The following NALF1 variants were observed in gnomAD, a reference collection of about 807,000 sequenced individuals.
NALF1 encodes the protein family with sequence similarity 155 member A.
NALF1 carries 3 observed loss-of-function variants against 48.4 expected under a neutral mutation model. That is an observed-to-expected ratio of 0.06 (90% CI 0.03 to 0.16). The LOEUF (loss-of-function observed/expected upper bound fraction) is 0.16, where lower values mean the gene tolerates loss of function less well. Ranked by LOEUF, NALF1 falls within the 10% of genes least tolerant of loss-of-function variation. The pLI is 1.00. For missense variants in NALF1, 526 were observed against 571.5 expected (o/e 0.92, Z 0.81); for synonymous variants, 262 against 245.7 (o/e 1.07, Z -0.62).
chr13:107,285,320 A>T (rs1881471645), intron 1 of NALF1, among the ~76,000 whole-genome samples: 1 of 152,226 alleles, frequency 6.6e-6, no homozygotes, highest in African/African-American at 2.4e-5. Context: ...TTATTCCCAT[A>T]CAACTTCTGA....
chr13:107,555,586 C>T (rs868165087), intron 1 of NALF1, among the ~76,000 whole-genome samples: 1 of 151,630 alleles, frequency 6.6e-6, no homozygotes, highest in Admixed American at 6.6e-5. Flanking sequence ...TGAGCTACCA[C>T]GCCCAGCCAG....
chr13:107,569,367 G>A (rs1328485984), intron 1 of NALF1, among the ~76,000 whole-genome samples: 2 of 152,056 alleles, frequency 1.3e-5, no homozygotes, highest in African/African-American at 4.8e-5. Context: ...AGCTACTCGG[G>A]ACGCTGAGGC....
intron 1 of NALF1, among the ~76,000 whole-genome samples, chr13:107,431,453 C>T (rs1884380724): frequency 6.6e-6 from 1 of 152,160 alleles, no homozygotes. Flanking sequence ...AATTTGTTCT[C>T]CTTGCCTAAT....
At chr13:107,205,349 C>T (rs1042607121) in intron 2 of NALF1, among the ~76,000 whole-genome samples, 1 of 152,170 alleles carries the variant, frequency 6.6e-6, no homozygotes, top group East Asian at 1.9e-4. Context: ...ACAAGTAAAC[C>T]GTGAGATGCC....
chr13:107,371,353 A>G (rs1448542848), intron 1 of NALF1, among the ~76,000 whole-genome samples: 1 of 152,184 alleles, frequency 6.6e-6, no homozygotes. Context: ...AGACGGAGGT[A>G]GAAGGATCGC....
intron 1 of NALF1, among the ~76,000 whole-genome samples, chr13:107,475,140 G>A (rs897618459): frequency 2.6e-5 from 4 of 152,138 alleles, no homozygotes; most frequent in African/African-American, 9.7e-5. Flanking sequence ...ATGTGAAAGG[G>A]AAACAACACT....
chr13:107,518,199 A>C (rs1223277342), intron 1 of NALF1, among the ~76,000 whole-genome samples: 1 of 152,200 alleles, frequency 6.6e-6, no homozygotes, highest in Non-Finnish European at 1.5e-5. Flanking sequence ...CAAGTTAAGG[A>C]ATTCGGTACT....
At chr13:107,501,633 T>C (rs1250753148) in intron 1 of NALF1, among the ~76,000 whole-genome samples, 2 of 152,146 alleles carry the variant, frequency 1.3e-5, no homozygotes, top group Non-Finnish European at 2.9e-5. Flanking sequence ...GTGTCACTGA[T>C]GGGATCAGAA....
Position 107,164,927 on chromosome 13 carries a change from G to T in NALF1, c.*5570C>A, listed in dbSNP as rs556390517. 1 of 152,148 alleles carries T rather than the reference G, an allele frequency of 6.6e-6. No homozygotes were observed. The highest frequency in any genetic ancestry group is 2.4e-5 in the African/African-American group (1 of 41,512). 9.4% of individuals were successfully genotyped at this position (152,148 alleles called of 1,614,324 possible). A position where few individuals can be genotyped will look rare whatever the true frequency, so the allele number is the denominator to read the frequency against. Reference sequence around the variant, plus strand: ...ATAGTCATGATAACTAACTACTACTGAGCACCTGTTTTGTCCAGGCACATT... The same window carrying T: ...ATAGTCATGATAACTAACTACTACTTAGCACCTGTTTTGTCCAGGCACATT... On this transcript the variant is annotated 3_prime_UTR_variant, in exon 3 of 3. Transcript: ENST00000375915.
At chr13:107,787,524 C>A (rs1310609407) in intron 1 of NALF1, among the ~76,000 whole-genome samples, 1 of 152,176 alleles carries the variant, frequency 6.6e-6, no homozygotes, top group Non-Finnish European at 1.5e-5. Flanking sequence ...CCTGTTGTTA[C>A]GTGGGTCACG....
intron 1 of NALF1, among the ~76,000 whole-genome samples, chr13:107,332,914 C>T (rs1882495434): frequency 6.6e-6 from 1 of 152,118 alleles, no homozygotes; most frequent in African/African-American, 2.4e-5. Context: ...GGCATGATCT[C>T]GGCTCATTGC....
At chr13:107,482,177 A>T (rs750479782) in intron 1 of NALF1, among the ~76,000 whole-genome samples, 1 of 152,074 alleles carries the variant, frequency 6.6e-6, no homozygotes, top group East Asian at 1.9e-4. Context: ...GAAAAGACTT[A>T]TCTCTCCCGA....
At chr13:107,677,111 A>G (rs1468200494) in intron 1 of NALF1, among the ~76,000 whole-genome samples, 2 of 152,260 alleles carry the variant, frequency 1.3e-5, no homozygotes, top group South Asian at 2.1e-4. Context: ...CAGTGGTGCA[A>G]TCTTGGCTTA....
At chr13:107,648,265 T>C (rs1464467028) in intron 1 of NALF1, among the ~76,000 whole-genome samples, 1 of 152,174 alleles carries the variant, frequency 6.6e-6, no homozygotes, top group Admixed American at 6.5e-5. Flanking sequence ...ATGCCCATCG[T>C]CATGGGTCCA....
chr13:107,208,002 T>C (rs1477084712), intron 2 of NALF1, among the ~76,000 whole-genome samples: 1 of 152,192 alleles, frequency 6.6e-6, no homozygotes, highest in Non-Finnish European at 1.5e-5. Flanking sequence ...TGGGAAATGA[T>C]GGCTGCTAGT....
intron 1 of NALF1, among the ~76,000 whole-genome samples, chr13:107,527,206 A>G (rs1189442945): frequency 1.3e-5 from 2 of 152,168 alleles, no homozygotes; most frequent in Non-Finnish European, 2.9e-5. Context: ...ACCCGCTGTC[A>G]TTAGATCACT....
chr13:107,353,578 A>C (rs1465640897), intron 1 of NALF1, among the ~76,000 whole-genome samples: 3 of 152,252 alleles, frequency 2.0e-5, no homozygotes. Flanking sequence ...TAAGAAGTTC[A>C]TAATTCAGAA....
At chr13:107,757,415 C>CTTTTTTTTT (rs3074821) in intron 1 of NALF1, among the ~76,000 whole-genome samples, 2 of 107,930 alleles carry the variant, frequency 1.9e-5, no homozygotes, top group Non-Finnish European at 3.9e-5. Context: ...GCCCTCATTT[C>CTTTTTTTTT]TTTTTTTTTT....
chr13:107,573,668 G>A (rs767126362), intron 1 of NALF1, among the ~76,000 whole-genome samples: 32 of 149,880 alleles, frequency 2.1e-4, no homozygotes, highest in Non-Finnish European at 3.7e-4. Flanking sequence ...TAGCTCCCAC[G>A]ATTCCCACAT....
Sources: allele counts gnomAD v4.1 joint callset (sites outside exome capture counted in the v4.1 genomes callset), GRCh38; gene constraint gnomAD v4.1.1; transcripts MANE v1.5; gene names NCBI Gene and HGNC (gene_info 2026-07-23, HGNC 2026-07-21).